BAHD1: variants seen among roughly 807,000 people sequenced by gnomAD.
The protein encoded by BAHD1 is bromo adjacent homology domain-containing 1 protein.
BAHD1 carries 20 observed loss-of-function variants against 63.1 expected under a neutral mutation model. The ratio of observed to expected loss-of-function variants is 0.32; its 90% CI spans 0.22 to 0.46. BAHD1 has a LOEUF of 0.46. Among genes scored for constraint, BAHD1 ranks in the 20% least tolerant of loss-of-function variants. The pLI is 1.00. For synonymous variants in BAHD1, 408 were observed against 426.8 expected (o/e 0.96, Z 0.54); for missense variants, 939 against 1,071.8 (o/e 0.88, Z 1.73).
In BAHD1 at chr15:40,465,249, C is replaced by T. The variant is rs1213940995; in HGVS notation, c.2053-86C>T. On this transcript the variant is annotated intron_variant, in intron 5 of 6. Transcript: ENST00000416165. ...GCTGGAGTCATCTCAGGTCAGCAGG[C>T]CCAGCAGAGGGGTTAATGTCTGCCT... 5.0e-6 allele frequency: 6 copies of T among 1,211,332 alleles called. No individual in the cohort carries two copies. In the Admixed American group the frequency reaches 1.1e-4, roughly 22 times the overall value. 75.0% of individuals were successfully genotyped at this position (1,211,332 alleles called of 1,614,324 possible). A position where few individuals can be genotyped will look rare whatever the true frequency, so the allele number is the denominator to read the frequency against.
intron 1 of BAHD1, among the ~76,000 whole-genome samples, chr15:40,451,810 C>G (rs1893711726): frequency 6.6e-6 from 1 of 152,228 alleles, no homozygotes; most frequent in East Asian, 1.9e-4. Flanking sequence ...GCAGGTCTAC[C>G]TTATGCACAC....
At chr15:40,448,241 CAAA>C (rs1173771097) in intron 1 of BAHD1, among the ~76,000 whole-genome samples, 1 of 115,828 alleles carries the variant, frequency 8.6e-6, no homozygotes, top group Admixed American at 9.0e-5. Flanking sequence ...GACTCCATCT[CAAA>C]AAAAAAAAAA....
intron 6 of BAHD1, 85 bp downstream of exon 6, chr15:40,465,520 G>A (rs1894174699): frequency 1.2e-5 from 12 of 1,041,546 alleles, no homozygotes; most frequent in Non-Finnish European, 1.8e-5. Context: ...TCCCCGAGAG[G>A]ATCTCATTCT....
chr15:40,457,052 A>G (rs1347657379), intron 1 of BAHD1, among the ~76,000 whole-genome samples: 1 of 152,198 alleles, frequency 6.6e-6, no homozygotes, highest in East Asian at 1.9e-4. Flanking sequence ...TGTTTTGCCA[A>G]GCAAAGTTAG....
intron 1 of BAHD1, among the ~76,000 whole-genome samples, chr15:40,452,851 G>A (rs1893745713): frequency 6.6e-6 from 1 of 152,208 alleles, no homozygotes; most frequent in African/African-American, 2.4e-5. Context: ...CTCTTGCTGA[G>A]TTGTAAACTG....
At chr15:40,456,571 C>T (rs1377536786) in intron 1 of BAHD1, among the ~76,000 whole-genome samples, 2 of 152,222 alleles carry the variant, frequency 1.3e-5, no homozygotes, top group Non-Finnish European at 2.9e-5. Flanking sequence ...GCCTGGTTTT[C>T]TGAGCACTCT....
chr15:40,443,209 T>C (rs1360805360), intron 1 of BAHD1: 1 of 971,302 alleles, frequency 1.0e-6, no homozygotes, highest in Non-Finnish European at 1.2e-6. Flanking sequence ...GGAAAGCTGC[T>C]TGTCTGCCAC....
chr15:40,439,870 A>C (rs1477266777), upstream of BAHD1: 1 of 151,726 alleles, frequency 6.6e-6, no homozygotes, highest in Non-Finnish European at 1.5e-5. Flanking sequence ...GTGCCCACCC[A>C]CCCCACTGAC....
At chr15:40,450,830 T>G (rs1893678234) in intron 1 of BAHD1, among the ~76,000 whole-genome samples, 1 of 152,140 alleles carries the variant, frequency 6.6e-6, no homozygotes. Flanking sequence ...TTGCATTTGT[T>G]TCCTGCTTTA....
chr15:40,453,397 G>A (rs559717393), intron 1 of BAHD1: 21 of 152,322 alleles, frequency 1.4e-4, no homozygotes, highest in African/African-American at 4.8e-4. Flanking sequence ...GCCTAGTTTT[G>A]TGCTCTTGCC....
chr15:40,448,128 G>T (rs1322135941), intron 1 of BAHD1, among the ~76,000 whole-genome samples: 13 of 151,922 alleles, frequency 8.6e-5, no homozygotes, highest in African/African-American at 3.1e-4. Context: ...TGTAGTCCCA[G>T]CAACTCAGGA....
Position 40,458,902 on chromosome 15 carries a change from T to C in BAHD1, c.438T>C (p.Ser146=). 6.3e-7 allele frequency: 1 copy of C among 1,598,042 alleles called. No homozygotes were observed. Among genetic ancestry groups the C allele is most frequent in the Non-Finnish European group, 8.5e-7 (1 of 1,171,000 alleles). Residue 146 remains serine (S), a synonymous_variant, in exon 2 of 7, where the codon AGT becomes AGC. Transcript: ENST00000416165. This position sits in a 1 kb window ranked among gnomAD's most constrained non-coding sequence, Gnocchi z 4.7. ...DTSSLAGTRR[S]RAGDPHRSRD... is the part of the protein sequence containing the mutation. ...GCAGCCTGGCAGGCACCCGCCGCAGTCGAGCAGGGGATCCCCACCGCAGCC... is the reference window on the plus strand; with the variant it reads ...GCAGCCTGGCAGGCACCCGCCGCAGCCGAGCAGGGGATCCCCACCGCAGCC...
intron 6 of BAHD1, 41 bp downstream of exon 6, chr15:40,465,476 A>G (rs1894173683): frequency 2.0e-6 from 3 of 1,475,920 alleles, no homozygotes; most frequent in Non-Finnish European, 2.8e-6. Flanking sequence ...CTCTTCCCTC[A>G]GGCTCCCCAG....
rs767922787 is a variant in BAHD1, at chr15:40,459,661, T to C, written c.1197T>C (p.Leu399=). Residue 399 remains leucine, a synonymous_variant, in exon 2 of 7, where the codon CTT becomes CTC. Coordinates refer to ENST00000416165, the MANE Select transcript of BAHD1 (RefSeq NM_014952.5). ...QCGGYSPCPM[L]PEGKLSPVAA... is the part of the protein sequence containing the mutation. ...GGGGCTACTCGCCCTGCCCCATGCT[T>C]CCTGAGGGCAAGCTGTCCCCAGTGG... is the stretch of plus-strand genomic sequence containing the variant. 6.2e-7 allele frequency: 1 copy of C among 1,614,112 alleles called. No homozygotes were observed.
Position 40,448,595 on chromosome 15 carries a change from G to A in BAHD1, c.-15+7327G>A, listed in dbSNP as rs117820686. Among the ~76,000 whole-genome samples the A allele has an allele frequency of 2.4e-3, 372 of 152,182 alleles. 2 individuals are homozygous for A. The highest frequency in any genetic ancestry group is 0.023 in the East Asian group (117 of 5,172). On this transcript the variant is annotated intron_variant, in intron 1 of 6. Coordinates refer to ENST00000416165, the MANE Select transcript of BAHD1 (RefSeq NM_014952.5). ...TCTGTCACCGAGTCCAGAGTACAAT[G>A]GCATGATCATGGTTCATTACAGCTT...
chr15:40,441,621 C>CGCG (rs1893404313), intron 1 of BAHD1, among the ~76,000 whole-genome samples: 1 of 146,520 alleles, frequency 6.8e-6, no homozygotes, highest in South Asian at 2.1e-4. Context: ...CGGGCGGCGG[C>CGCG]GGCGCGGGCG....
upstream of BAHD1, among the ~76,000 whole-genome samples, chr15:40,440,470 G>A (rs937813873): frequency 4.6e-5 from 7 of 151,826 alleles, no homozygotes; most frequent in African/African-American, 1.7e-4. Flanking sequence ...GCGAGGATGG[G>A]GTGTTCCTCG....
At chr15:40,457,227 T>C (rs1161569965) in intron 1 of BAHD1, among the ~76,000 whole-genome samples, 1 of 152,232 alleles carries the variant, frequency 6.6e-6, no homozygotes, top group Non-Finnish European at 1.5e-5. Flanking sequence ...TTTTCCCAAC[T>C]GTTTGTGGCC....
intron 1 of BAHD1, among the ~76,000 whole-genome samples, chr15:40,449,536 A>T (rs369446444): frequency 6.6e-6 from 1 of 152,304 alleles, no homozygotes; most frequent in East Asian, 1.9e-4. Context: ...ATGGTGACTC[A>T]TGCCTGTAAT....
Sources: gnomAD v4.1 joint callset for allele counts (sites outside exome capture counted in the v4.1 genomes callset) on GRCh38, gnomAD v4.1.1 for gene constraint, Gnocchi (gnomAD v3.1) non-coding constraint, MANE v1.5 for transcripts, NCBI Gene and HGNC (gene_info 2026-07-23, HGNC 2026-07-21) for gene names.